ZNF680: variants seen among roughly 807,000 people sequenced by gnomAD.
ZNF680 encodes zinc finger protein 680, also known as hypothetical protein FLJ90430.
In ZNF680, 6 loss-of-function variants were observed where a neutral mutation model predicts 12.1. The ratio of observed to expected loss-of-function variants is 0.49; its 90% confidence interval spans 0.27 to 0.98. The LOEUF is 0.98. ZNF680 is among the 50% of genes least tolerant of loss of function. The pLI is 0.12. For missense variants in ZNF680, 561 were observed against 616.3 expected, an observed-to-expected ratio of 0.91 and a Z score of 0.95; for synonymous variants, 170 against 199.3, an observed-to-expected ratio of 0.85 and a Z score of 1.24.
At chr7:64,526,423 A>C in intron 3 of ZNF680, 1 of 1,494,490 alleles carries the variant, frequency 6.7e-7, no homozygotes, top group Non-Finnish European at 8.9e-7. Context: ...GGCAAAGTGG[A>C]TTATTTCTGT....
the ZNF680 span, among the ~76,000 whole-genome samples, chr7:64,513,156 C>A: frequency 6.6e-6 from 1 of 151,976 alleles, no homozygotes; most frequent in Non-Finnish European, 1.5e-5. Context: ...AAACAATTTA[C>A]CAGGTTTTAC....
intron 3 of ZNF680, among the ~76,000 whole-genome samples, chr7:64,540,149 A>C (rs1786421443): frequency 6.6e-6 from 1 of 152,188 alleles, no homozygotes; most frequent in South Asian, 2.1e-4. Context: ...GGCGATTTCC[A>C]TGACTACTCA....
intron 1 of ZNF680, among the ~76,000 whole-genome samples, chr7:64,549,898 A>G (rs58450777): frequency 0.23 from 34,305 of 152,064 alleles, 4,064 homozygotes; most frequent in South Asian, 0.29. Flanking sequence ...CAGGAGAATC[A>G]GTTGAGCCCA....
chr7:64,559,571 C>G (rs2116569655), intron 1 of ZNF680, among the ~76,000 whole-genome samples: 1 of 152,146 alleles, frequency 6.6e-6, no homozygotes, highest in South Asian at 2.1e-4. Context: ...ACCTCTACCT[C>G]CTGGGTTCAA....
At chr7:64,523,494 C>A (rs10237458) in intron 3 of ZNF680, among the ~76,000 whole-genome samples, 4,490 of 151,982 alleles carry the variant, frequency 0.03, 225 homozygotes, top group African/African-American at 0.1. Context: ...AAAAAAGAAT[C>A]AAATAAAACA....
Position 64,544,329 on chromosome 7 carries a change from T to C in ZNF680, c.134A>G (p.Asn45Ser), listed in dbSNP as rs898458039. 6.2e-7 allele frequency: 1 copy of C among 1,603,950 alleles called. No individual in the cohort carries two copies. Among genetic ancestry groups the C allele is most frequent in the Non-Finnish European group, 8.5e-7 (1 of 1,173,686 alleles). The change falls in exon 2 of 4, where the codon AAC becomes AGC. Residue 45 changes from asparagine (N) to serine (S), a missense_variant. Asn to Ser is a conservative substitution (Grantham distance 46). Transcript: ENST00000309683. Reference protein sequence around the residue: ...RNLYRKVMFENYRNLVFLGIA... With the variant: ...RNLYRKVMFESYRNLVFLGIA... Reference sequence around the variant, plus strand: ...ACCCAGGAAGACCAGGTTTCTGTAGTTCTCAAACATCACTTTCCTATATAA... The same window carrying C: ...ACCCAGGAAGACCAGGTTTCTGTAGCTCTCAAACATCACTTTCCTATATAA...
At chr7:64,522,706 AAC>A (rs1385576580) in intron 3 of ZNF680, among the ~76,000 whole-genome samples, 6 of 151,970 alleles carry the variant, frequency 3.9e-5, no homozygotes, top group Non-Finnish European at 5.9e-5. Flanking sequence ...ATTTATAACA[AAC>A]ACATATATAA....
At chr7:64,549,674 T>C (rs945379014) in intron 1 of ZNF680, among the ~76,000 whole-genome samples, 3 of 141,582 alleles carry the variant, frequency 2.1e-5, no homozygotes, top group Non-Finnish European at 4.7e-5. Flanking sequence ...ATGATATGTC[T>C]ACCTAAAAAA....
downstream of ZNF680, among the ~76,000 whole-genome samples, chr7:64,516,053 C>G (rs967502386): frequency 1.3e-5 from 2 of 152,160 alleles, no homozygotes; most frequent in Admixed American, 6.5e-5. Context: ...ATCTCCAAAA[C>G]AGCCCACAAA....
At chr7:64,546,620 G>A (rs1786800798) in intron 1 of ZNF680, among the ~76,000 whole-genome samples, 1 of 152,164 alleles carries the variant, frequency 6.6e-6, no homozygotes, top group Admixed American at 6.5e-5. Context: ...GCATGAGCCT[G>A]TAATCCCAGC....
chr7:64,537,741 C>T (rs1304650720), intron 3 of ZNF680, among the ~76,000 whole-genome samples: 3 of 151,482 alleles, frequency 2.0e-5, no homozygotes, highest in South Asian at 4.2e-4. Context: ...TCCTGGCTAA[C>T]ACAGTGAAAC....
the ZNF680 span, among the ~76,000 whole-genome samples, chr7:64,514,402 C>T: frequency 6.7e-6 from 1 of 149,384 alleles, no homozygotes; most frequent in Admixed American, 6.7e-5. Context: ...AATTGTGCTG[C>T]TAACTGTAAC....
chr7:64,507,307 A>C, the ZNF680 span, among the ~76,000 whole-genome samples: 4 of 152,188 alleles, frequency 2.6e-5, no homozygotes, highest in African/African-American at 9.7e-5. Context: ...GGAAATAGAG[A>C]GTTGTTCATC....
At chr7:64,562,739 G>T (rs996733950) in intron 1 of ZNF680, among the ~76,000 whole-genome samples, 186 bp downstream of exon 1, 6 of 152,194 alleles carry the variant, frequency 3.9e-5, no homozygotes, top group Non-Finnish European at 7.3e-5. Flanking sequence ...TGACGCCCGG[G>T]GTCCGGCTGT....
At chr7:64,533,841 G>A (rs11761642) in intron 3 of ZNF680, among the ~76,000 whole-genome samples, 34,319 of 152,050 alleles carry the variant, frequency 0.23, 4,066 homozygotes, top group South Asian at 0.28. Flanking sequence ...GAACAGAATA[G>A]CGAACCCAGA....
chr7:64,504,814 C>T, the ZNF680 span, among the ~76,000 whole-genome samples: 3 of 152,184 alleles, frequency 2.0e-5, no homozygotes, highest in Non-Finnish European at 4.4e-5. Flanking sequence ...CTTCCTGAAT[C>T]TAGTCATACA....
intron 1 of ZNF680, among the ~76,000 whole-genome samples, chr7:64,550,670 T>C (rs908448813): frequency 2.0e-5 from 3 of 152,280 alleles, no homozygotes; most frequent in South Asian, 2.1e-4. Context: ...AGAGGTAAAA[T>C]GGTTGATTGC....
chr7:64,562,284 T>G (rs1167741474), intron 1 of ZNF680, among the ~76,000 whole-genome samples: 1 of 151,866 alleles, frequency 6.6e-6, no homozygotes, highest in Non-Finnish European at 1.5e-5. Context: ...TGTAAAGTAT[T>G]ACATTGGGGG....
At chr7:64,548,849 G>A (rs1196928745) in intron 1 of ZNF680, among the ~76,000 whole-genome samples, 7 of 152,060 alleles carry the variant, frequency 4.6e-5, no homozygotes, top group South Asian at 4.1e-4. Flanking sequence ...CTGGCCGGGC[G>A]CGGTGGCTCA....
Sources: gnomAD v4.1 joint callset for allele counts (sites outside exome capture counted in the v4.1 genomes callset) on GRCh38, gnomAD v4.1.1 for gene constraint, MANE v1.5 for transcripts, NCBI Gene and HGNC (gene_info 2026-07-23, HGNC 2026-07-21) for gene names.